Variants in SIK3 observed in about 807,000 individuals in gnomAD.
The protein encoded by SIK3 is serine/threonine-protein kinase SIK3.
In SIK3, 28 loss-of-function variants were observed where a neutral mutation model predicts 144.2. The observed-to-expected ratio is 0.19, with a 90% confidence interval of 0.14 to 0.27. The LOEUF is 0.27. Among genes scored for constraint, SIK3 ranks in the 10% least tolerant of loss-of-function variants. The pLI is 1.00. For missense variants in SIK3, 1,319 were observed against 1,776.0 expected (o/e 0.74, Z 4.62); for synonymous variants, 686 against 676.3 (o/e 1.01, Z -0.22).
At chr11:117,018,947 G>A (rs552216706) in intron 1 of SIK3, among the ~76,000 whole-genome samples, 130 of 152,080 alleles carry the variant, frequency 8.5e-4, no homozygotes, top group African/African-American at 2.8e-3. Context: ...CCTGACCTTA[G>A]GTGATCCACC....
At chr11:117,097,734 C>G (rs1316138716) in intron 1 of SIK3, among the ~76,000 whole-genome samples, 2 of 152,118 alleles carry the variant, frequency 1.3e-5, no homozygotes, top group Non-Finnish European at 2.9e-5. Flanking sequence ...TTTCCCCATC[C>G]TCCGGGTCCA....
At chr11:117,012,199 C>G (rs1951289509) in intron 1 of SIK3, among the ~76,000 whole-genome samples, 1 of 152,086 alleles carries the variant, frequency 6.6e-6, no homozygotes. Flanking sequence ...GTCTCGAATT[C>G]CCGGACTCAA....
At chr11:116,948,926 G>C (rs1288342240) in intron 3 of SIK3, among the ~76,000 whole-genome samples, 1 of 152,078 alleles carries the variant, frequency 6.6e-6, no homozygotes, top group Non-Finnish European at 1.5e-5. Context: ...AACTATAATG[G>C]AATGAAATTG....
chr11:117,075,848 TTTTTTTTTTTTTTTTTTTGAGACAG>T (rs1419818017), intron 1 of SIK3, among the ~76,000 whole-genome samples: 6 of 140,276 alleles, frequency 4.3e-5, no homozygotes, highest in Non-Finnish European at 9.2e-5. Flanking sequence ...GGCTTTTTTT[TTTTTTTTTTTTTTTTTTTGAGACAG>T]TTTTTTGCTC....
intron 1 of SIK3, among the ~76,000 whole-genome samples, chr11:117,066,737 T>C (rs1205812420): frequency 6.6e-6 from 1 of 152,112 alleles, no homozygotes; most frequent in Non-Finnish European, 1.5e-5. Flanking sequence ...GTGTCGCTTG[T>C]TGCCCAGGGT....
chr11:117,065,919 G>T (rs1033569727), intron 1 of SIK3, among the ~76,000 whole-genome samples: 1 of 151,626 alleles, frequency 6.6e-6, no homozygotes, highest in Non-Finnish European at 1.5e-5. Flanking sequence ...GGTGTGAGCC[G>T]CCAAACCTGG....
At chr11:116,994,574 TG>T (rs778603174) in intron 1 of SIK3, among the ~76,000 whole-genome samples, 5 of 152,184 alleles carry the variant, frequency 3.3e-5, no homozygotes, top group Non-Finnish European at 5.9e-5. Context: ...AAAAAGTGCT[TG>T]GTGGTAAGGA....
intron 1 of SIK3, among the ~76,000 whole-genome samples, chr11:117,072,505 T>G (rs558510305): frequency 8.9e-4 from 135 of 152,338 alleles, no homozygotes; most frequent in African/African-American, 3.0e-3. Flanking sequence ...TTCACTAAGA[T>G]AGCTATTCAT....
intron 1 of SIK3, among the ~76,000 whole-genome samples, chr11:117,023,621 A>AAAAAAAAAATATATATATAT (rs754624841): frequency 2.1e-5 from 2 of 95,420 alleles, no homozygotes; most frequent in African/African-American, 4.3e-5. Flanking sequence ...AAAAAAAAAA[A>AAAAAAAAAATATATATATAT]ATATATATAT....
chr11:117,023,621 AATATATATATAT>A (rs1555131639), intron 1 of SIK3, among the ~76,000 whole-genome samples: 1 of 95,420 alleles, frequency 1.0e-5, no homozygotes, highest in South Asian at 3.7e-4. Flanking sequence ...AAAAAAAAAA[AATATATATATAT>A]ATATATATAT....
intron 19 of SIK3, among the ~76,000 whole-genome samples, chr11:116,860,508 G>A (rs188857800): frequency 9.3e-4 from 141 of 152,256 alleles, no homozygotes; most frequent in Admixed American, 1.8e-3. Context: ...CAAGAGAGGG[G>A]CCCACGTGTA....
chr11:116,884,465 T>A (rs1321570083), intron 6 of SIK3, among the ~76,000 whole-genome samples: 1 of 151,260 alleles, frequency 6.6e-6, no homozygotes, highest in East Asian at 1.9e-4. Flanking sequence ...TCCTGCCTCA[T>A]AAACGATAAT....
intron 1 of SIK3, among the ~76,000 whole-genome samples, chr11:117,041,144 A>T (rs1260916577): frequency 6.6e-6 from 1 of 152,122 alleles, no homozygotes. Flanking sequence ...GAGAATTCAG[A>T]TCTCCAGAAT....
intron 1 of SIK3, among the ~76,000 whole-genome samples, chr11:116,982,943 C>CAAAAAAAA (rs35698580): frequency 1.4e-5 from 1 of 69,862 alleles, no homozygotes; most frequent in African/African-American, 5.7e-5. Flanking sequence ...GACTCCGTCT[C>CAAAAAAAA]AAAAAAAAAA....
rs369719459 is a variant in SIK3 at position 116,858,505 on chromosome 11, G to A, written c.2960C>T (p.Pro987Leu). The A allele has an allele frequency of 7.4e-5, 120 of 1,611,494 alleles. No individual in the cohort carries two copies. The Middle Eastern group carries it at 1.3e-3, about 18-fold the overall frequency. Residue 987 changes from proline (P) to leucine (L), a missense_variant, in exon 21 of 25, where the codon CCG becomes CTG. Around this residue, in one of 8 missense-constraint regions of SIK3, gnomAD observed 646 missense variants for 763.7 expected, o/e 0.85. Transcript: ENST00000445177. The surrounding 1 kb of genome is among the most constrained non-coding windows in gnomAD (Gnocchi z 5.4). ...PTFPPSAHQQPPHYTTSALQQ... is the reference protein window; with the variant it reads ...PTFPPSAHQQLPHYTTSALQQ... The stretch of plus-strand genomic sequence containing the variant: ...TAGTGCCGACGTGGTATAGTGTGGC[G>A]GCTGCTGATGTGCACTGGGAGGGAA...
At chr11:116,987,380 T>C (rs1384125363) in intron 1 of SIK3, among the ~76,000 whole-genome samples, 1 of 150,028 alleles carries the variant, frequency 6.7e-6, no homozygotes, top group Non-Finnish European at 1.5e-5. Context: ...GGGGTTAGGA[T>C]TGAATAGATG....
At chr11:116,924,751 C>A (rs1419167845) in intron 4 of SIK3, among the ~76,000 whole-genome samples, 1 of 152,168 alleles carries the variant, frequency 6.6e-6, no homozygotes, top group Non-Finnish European at 1.5e-5. Flanking sequence ...GTCTTCAATG[C>A]TTGGTGGGGG....
intron 6 of SIK3, among the ~76,000 whole-genome samples, chr11:116,884,350 C>CTTT (rs71037434): frequency 5.5e-5 from 7 of 128,164 alleles, no homozygotes; most frequent in Admixed American, 8.0e-5. Context: ...CCACATCTGG[C>CTTT]TTTTTTTTTT....
intron 1 of SIK3, among the ~76,000 whole-genome samples, chr11:117,021,960 A>AAAAAC (rs1951794877): frequency 1.4e-5 from 2 of 139,804 alleles, no homozygotes; most frequent in African/African-American, 5.2e-5. Context: ...AAAAAAAAAA[A>AAAAAC]ACCTAAAAAT....
Sources: allele counts gnomAD v4.1 joint callset (sites outside exome capture counted in the v4.1 genomes callset), GRCh38; gene constraint gnomAD v4.1.1; regional missense constraint gnomAD v4.1.1; non-coding constraint Gnocchi (gnomAD v3.1); transcripts MANE v1.5; gene names NCBI Gene and HGNC (gene_info 2026-07-23, HGNC 2026-07-21).